DLC1: variants seen among roughly 807,000 people sequenced by gnomAD.
DLC1 encodes the protein rho GTPase-activating protein 7.
In DLC1, 54 loss-of-function variants were observed where a neutral mutation model predicts 140.3. The ratio of observed to expected loss-of-function variants is 0.38; its 90% confidence interval spans 0.31 to 0.48. The LOEUF is 0.48. DLC1 is among the 20% of genes least tolerant of loss of function. The probability of loss-of-function intolerance (pLI) is 0.96; values close to 1 mark genes in which losing one functional copy is unlikely to be tolerated. For missense variants in DLC1, 2,536 were observed against 1,907.0 expected, an observed-to-expected ratio of 1.33 and a Z score of -6.14; for synonymous variants, 986 against 728.1, an observed-to-expected ratio of 1.35 and a Z score of -5.70.
intron 5 of DLC1, among the ~76,000 whole-genome samples, chr8:13,297,296 A>AAAAAAAAAAAAAAAAAAAAAAAAAAT (rs1831998969): frequency 7.0e-6 from 1 of 143,712 alleles, no homozygotes; most frequent in Non-Finnish European, 1.5e-5. Context: ...AAAAAAAAAA[A>AAAAAAAAAAAAAAAAAAAAAAAAAAT]CTGAAGCAAG....
rs1201619343 is a variant in DLC1 at position 13,170,781 on chromosome 8, T to C, written c.1349-55124A>G. On this transcript the variant is annotated intron_variant, in intron 5 of 17. Coordinates refer to ENST00000276297, the MANE Select transcript of DLC1 (RefSeq NM_182643.3). ...TGTATAATGTGTGTTGCAGAAAATG[T>C]GAGCTAACATTATTTTCCAGACATC... 2.0e-5 allele frequency among the ~76,000 whole-genome samples: 3 copies of C among 151,146 alleles called. No homozygotes were observed. The East Asian group carries it at 5.8e-4, about 29-fold the overall frequency.
At chr8:13,375,884 G>GA (rs1178745157) in intron 4 of DLC1, among the ~76,000 whole-genome samples, 5 of 151,948 alleles carry the variant, frequency 3.3e-5, no homozygotes, top group Admixed American at 1.3e-4. Context: ...AATACAGGAG[G>GA]AAAAAATGTA....
intron 4 of DLC1, among the ~76,000 whole-genome samples, chr8:13,305,849 TAACA>T (rs1351524697): frequency 0.014 from 2,078 of 152,210 alleles, 54 homozygotes; most frequent in African/African-American, 0.047. Flanking sequence ...ACAAACAAAC[TAACA>T]ACATTGGCAA....
intron 1 of DLC1, among the ~76,000 whole-genome samples, chr8:13,529,679 T>C (rs1222019218): frequency 6.6e-6 from 1 of 152,142 alleles, no homozygotes; most frequent in African/African-American, 2.4e-5. Flanking sequence ...AGCCTCCGAA[T>C]GGAAGAAAGC....
At position 13,514,671 on chromosome 8, in the gene DLC1, C is replaced by T; in HGVS notation, c.-195G>A. On this transcript the variant is annotated 5_prime_UTR_variant, in exon 1 of 18. Transcript: ENST00000276297. ...CACTCAGGCTAGGAAAGAAGTCCGTCCCCGTTAGTTTCTCCAAAATCTAAG... is the reference window on the plus strand; with the variant it reads ...CACTCAGGCTAGGAAAGAAGTCCGTTCCCGTTAGTTTCTCCAAAATCTAAG... 1 of 398,624 alleles carries T rather than the reference C, an allele frequency of 2.5e-6. No homozygotes were observed. The highest frequency in any genetic ancestry group is 3.6e-5 in the East Asian group (1 of 28,074). The allele number at this position is 398,624 out of a possible 1,614,324, so 24.7% of individuals were successfully genotyped here.
In DLC1 at chr8:13,499,189, C is replaced by G; in HGVS notation, c.883G>C (p.Glu295Gln). 1.9e-6 allele frequency: 3 copies of G among 1,614,184 alleles called. No homozygotes were observed. The highest frequency in any genetic ancestry group is 2.5e-6 in the Non-Finnish European group (3 of 1,180,020). ...PNGMSAENGLEKSGFSQHQNK... is the reference protein window; with the variant it reads ...PNGMSAENGLQKSGFSQHQNK... Reference sequence around the variant, plus strand: ...TGATGTTGTGAAAAACCACTCTTCTCCAGGCCATTTTCAGCTGACATTCCA... The same window carrying G: ...TGATGTTGTGAAAAACCACTCTTCTGCAGGCCATTTTCAGCTGACATTCCA... Residue 295 changes from glutamate to glutamine, a missense_variant, in exon 2 of 18, where the codon GAG becomes CAG. By Grantham distance (29) the Glu-to-Gln change is conservative (BLOSUM62 2). Coordinates refer to ENST00000276297, the MANE Select transcript of DLC1 (RefSeq NM_182643.3).
At chr8:13,558,709 TCA>T (rs1804140846) in intron 1 of DLC1, 1 of 152,178 alleles carries the variant, frequency 6.6e-6, no homozygotes, top group African/African-American at 2.4e-5. Flanking sequence ...TGAATATTTC[TCA>T]GTTACATCGA....
At chr8:13,280,275 G>C (rs1831318858) in intron 5 of DLC1, among the ~76,000 whole-genome samples, 2 of 113,276 alleles carry the variant, frequency 1.8e-5, no homozygotes, top group Non-Finnish European at 3.3e-5. Context: ...GCAACGGAGA[G>C]AGACTCCATC....
chr8:13,178,802 A>G (rs1428055321), intron 5 of DLC1, among the ~76,000 whole-genome samples: 1 of 152,198 alleles, frequency 6.6e-6, no homozygotes, highest in African/African-American at 2.4e-5. Context: ...CAAGAGTTGG[A>G]TGTGGAGCAA....
At chr8:13,436,460 T>C (rs1020923883) in intron 2 of DLC1, among the ~76,000 whole-genome samples, 1 of 152,196 alleles carries the variant, frequency 6.6e-6, no homozygotes, top group African/African-American at 2.4e-5. Flanking sequence ...GACTGACCCG[T>C]TTTCAATCTT....
At chr8:13,518,919 C>G (rs1802678469), upstream of DLC1, among the ~76,000 whole-genome samples, 1 of 151,894 alleles carries the variant, frequency 6.6e-6, no homozygotes, top group African/African-American at 2.4e-5. Flanking sequence ...ATCAGATTTT[C>G]TAATTTATTT....
intron 5 of DLC1, among the ~76,000 whole-genome samples, chr8:13,270,640 G>C (rs966006818): frequency 6.6e-6 from 1 of 152,196 alleles, no homozygotes; most frequent in Non-Finnish European, 1.5e-5. Flanking sequence ...AGTTCACAAA[G>C]ATCAGCACAA....
chr8:13,335,345 T>C (rs1833775574), intron 4 of DLC1, among the ~76,000 whole-genome samples: 1 of 152,176 alleles, frequency 6.6e-6, no homozygotes, highest in South Asian at 2.1e-4. Flanking sequence ...CTTTTTTAAA[T>C]TTTAAGAAAG....
intron 2 of DLC1, among the ~76,000 whole-genome samples, chr8:13,431,015 A>C (rs186692693): frequency 6.6e-6 from 1 of 152,246 alleles, no homozygotes; most frequent in South Asian, 2.1e-4. Context: ...TATAAAATGC[A>C]TAAGTGCTTC....
chr8:13,388,399 TC>T (rs1836612916), intron 4 of DLC1, among the ~76,000 whole-genome samples: 2 of 152,028 alleles, frequency 1.3e-5, no homozygotes. Context: ...GAAACTCCTA[TC>T]CCAGACACAA....
chr8:13,466,635 C>G (rs969076787), intron 2 of DLC1, among the ~76,000 whole-genome samples: 2 of 152,144 alleles, frequency 1.3e-5, no homozygotes, highest in Non-Finnish European at 2.9e-5. Flanking sequence ...TTCCCTGGAG[C>G]CCCATCAGAG....
chr8:13,276,355 G>A, intron 5 of DLC1: 2 of 1,523,684 alleles, frequency 1.3e-6, no homozygotes, highest in Non-Finnish European at 1.8e-6. Context: ...CTCCGGAGAG[G>A]GGCTCGCAGG....
chr8:13,572,953 A>G (rs966640470), intron 1 of DLC1, among the ~76,000 whole-genome samples: 61 of 152,226 alleles, frequency 4.0e-4, no homozygotes, highest in African/African-American at 1.4e-3. Flanking sequence ...TTGGCTATTC[A>G]TGGTTCCTTG....
intron 5 of DLC1, among the ~76,000 whole-genome samples, chr8:13,118,584 T>A (rs1180361483): frequency 1.3e-5 from 2 of 152,192 alleles, no homozygotes; most frequent in Non-Finnish European, 2.9e-5. Context: ...TGTAAAAAGT[T>A]GTCACATATT....
Sources: allele counts gnomAD v4.1 joint callset (sites outside exome capture counted in the v4.1 genomes callset), GRCh38; gene constraint gnomAD v4.1.1; transcripts MANE v1.5; gene names NCBI Gene and HGNC (gene_info 2026-07-23, HGNC 2026-07-21).